GLDC: variants seen among roughly 807,000 people sequenced by gnomAD.
GLDC encodes the protein glycine decarboxylase.
Under a neutral mutation model 121.3 loss-of-function variants are expected in GLDC, and 104 were observed. The ratio of observed to expected loss-of-function variants is 0.86; its 90% CI spans 0.73 to 1.01. The LOEUF is 1.01. Among genes scored for constraint, GLDC ranks in the 50% least tolerant of loss-of-function variants. GLDC has a pLI of 0.00. For synonymous variants in GLDC, 546 were observed against 480.6 expected (o/e 1.14, Z -1.78); for missense variants, 1,429 against 1,306.6 (o/e 1.09, Z -1.44).
intron 8 of GLDC, among the ~76,000 whole-genome samples, chr9:6,595,829 T>A (rs1219599805): frequency 6.6e-6 from 1 of 152,204 alleles, no homozygotes; most frequent in African/African-American, 2.4e-5. Context: ...ACCCTGTCTC[T>A]GCAAAATACA....
chr9:6,628,013 A>C (rs942056951), intron 2 of GLDC, among the ~76,000 whole-genome samples: 1 of 152,182 alleles, frequency 6.6e-6, no homozygotes, highest in Non-Finnish European at 1.5e-5. Context: ...GAGAAGACAG[A>C]AAAGTCCATG....
chr9:6,534,335 C>T (rs1458292723), intron 24 of GLDC, among the ~76,000 whole-genome samples: 4 of 150,836 alleles, frequency 2.7e-5, no homozygotes, highest in Admixed American at 2.6e-4. Context: ...ACATTTTTAG[C>T]CTTCTCCCTA....
chr9:6,628,933 C>G (rs1244845695), intron 2 of GLDC, among the ~76,000 whole-genome samples: 1 of 152,086 alleles, frequency 6.6e-6, no homozygotes, highest in Non-Finnish European at 1.5e-5. Context: ...TATTCTGCCT[C>G]AGAGCATTGC....
At chr9:6,579,304 C>T (rs1818130651) in intron 15 of GLDC, among the ~76,000 whole-genome samples, 1 of 152,020 alleles carries the variant, frequency 6.6e-6, no homozygotes, top group South Asian at 2.1e-4. Context: ...TTTGGTTATA[C>T]AATTTTTTTT....
intron 3 of GLDC, among the ~76,000 whole-genome samples, chr9:6,618,437 A>G (rs1211042525): frequency 6.6e-6 from 1 of 152,016 alleles, no homozygotes; most frequent in African/African-American, 2.4e-5. Flanking sequence ...CCTCCCAACT[A>G]GCTGCGATTA....
At chr9:6,617,489 C>G (rs951190283) in intron 3 of GLDC, among the ~76,000 whole-genome samples, 1 of 152,120 alleles carries the variant, frequency 6.6e-6, no homozygotes, top group African/African-American at 2.4e-5. Flanking sequence ...GGAAGAGAAA[C>G]AGGCCATTTT....
intron 15 of GLDC, among the ~76,000 whole-genome samples, chr9:6,573,404 T>G (rs1170174819): frequency 1.3e-5 from 2 of 152,170 alleles, no homozygotes; most frequent in African/African-American, 4.8e-5. Flanking sequence ...GACGTTGCAG[T>G]GAGCTGAGAT....
At chr9:6,642,397 G>A (rs533910595) in intron 2 of GLDC, among the ~76,000 whole-genome samples, 1 of 152,206 alleles carries the variant, frequency 6.6e-6, no homozygotes, top group African/African-American at 2.4e-5. Context: ...CGGGCATGGT[G>A]GTGCACGTCT....
At position 6,599,720 on chromosome 9, in the gene GLDC, C is replaced by CAA. The variant is rs549444099; in HGVS notation, c.1155+2387_1155+2388dup. 2.2e-3 allele frequency among the ~76,000 whole-genome samples: 266 copies of CAA among 120,612 alleles called. 1 individual carries two copies. The highest frequency in any genetic ancestry group is 4.1e-3 in the Admixed American group (49 of 11,966). 79.1% of individuals were successfully genotyped at this position (120,612 alleles called of 152,430 possible). Reference sequence around the variant, plus strand: ...TGGGTGACAGAGCAAGACTCCATCTCAAAAAAAAAAAAAACAACCAAAAAA... The same window carrying CAA: ...TGGGTGACAGAGCAAGACTCCATCTCAAAAAAAAAAAAAAAACAACCAAAAAA... On this transcript the variant is annotated intron_variant, in intron 8 of 24. Coordinates refer to ENST00000321612, the MANE Select transcript of GLDC (RefSeq NM_000170.3).
chr9:6,550,693 T>G, intron 21 of GLDC, 110 bp downstream of exon 21: 1 of 771,746 alleles, frequency 1.3e-6, no homozygotes, highest in Non-Finnish European at 2.4e-6. Context: ...TTTTCTGATA[T>G]GTGCTAAGAA....
rs907586040 is a variant in GLDC at position 6,606,519 on chromosome 9, T to C, written c.713+73A>G. 1,082 of 957,570 alleles carry C rather than the reference T, an allele frequency of 1.1e-3. 9 individuals are homozygous for C. The highest frequency in any genetic ancestry group is 1.1e-3 in the Middle Eastern group (5 of 4,746). 59.3% of individuals were successfully genotyped at this position (957,570 alleles called of 1,614,324 possible). Reference sequence around the variant, plus strand: ...GATTCACCTCCAATCAGTTTGGAAGTGAGAAAGAGAAAGAAACAGCAGAGA... The same window carrying C: ...GATTCACCTCCAATCAGTTTGGAAGCGAGAAAGAGAAAGAAACAGCAGAGA... On this transcript the variant is annotated intron_variant, in intron 5 of 24. Coordinates refer to ENST00000321612, the MANE Select transcript of GLDC (RefSeq NM_000170.3).
chr9:6,571,594 T>G (rs1817969512), intron 15 of GLDC, among the ~76,000 whole-genome samples: 1 of 152,152 alleles, frequency 6.6e-6, no homozygotes, highest in Non-Finnish European at 1.5e-5. Flanking sequence ...ACTAAGTGAC[T>G]GATGGGTGGG....
intron 8 of GLDC, among the ~76,000 whole-genome samples, chr9:6,598,745 A>C (rs1379579185): frequency 6.6e-6 from 1 of 152,262 alleles, no homozygotes; most frequent in South Asian, 2.1e-4. Flanking sequence ...GATCATCAGA[A>C]TAAGAGGATG....
intron 16 of GLDC, among the ~76,000 whole-genome samples, chr9:6,562,322 G>A (rs1394294728): frequency 6.6e-6 from 1 of 152,078 alleles, no homozygotes; most frequent in Non-Finnish European, 1.5e-5. Context: ...TCAAAAAGCA[G>A]CTTGAAAGAA....
intron 15 of GLDC, among the ~76,000 whole-genome samples, chr9:6,581,527 T>G (rs1358580406): frequency 1.3e-5 from 2 of 152,214 alleles, no homozygotes; most frequent in Admixed American, 6.5e-5. Flanking sequence ...TTACCAGCAT[T>G]CAGGGCCAAC....
At chr9:6,538,751 G>C (rs143932017) in intron 22 of GLDC, among the ~76,000 whole-genome samples, 123 of 152,348 alleles carry the variant, frequency 8.1e-4, no homozygotes, top group South Asian at 3.7e-3. Context: ...GTTGCAGTTA[G>C]ATGTGTGAAG....
chr9:6,538,135 A>G (rs1817176243), intron 22 of GLDC, among the ~76,000 whole-genome samples: 1 of 151,890 alleles, frequency 6.6e-6, no homozygotes, highest in African/African-American at 2.4e-5. Flanking sequence ...TAAGAGAACA[A>G]GCTGATTACC....
At chr9:6,570,943 T>C (rs947422281) in intron 15 of GLDC, among the ~76,000 whole-genome samples, 35 of 151,832 alleles carry the variant, frequency 2.3e-4, no homozygotes, top group African/African-American at 8.2e-4. Context: ...ATGAAAAATA[T>C]TTATTTTATG....
At chr9:6,639,360 C>G in intron 2 of GLDC, 2 of 937,368 alleles carry the variant, frequency 2.1e-6, no homozygotes, top group Non-Finnish European at 1.7e-6. Flanking sequence ...AGCTTGACCA[C>G]TATGCTATCA....
Sources: gnomAD v4.1 joint callset for allele counts (sites outside exome capture counted in the v4.1 genomes callset) on GRCh38, gnomAD v4.1.1 for gene constraint, MANE v1.5 for transcripts, NCBI Gene and HGNC (gene_info 2026-07-23, HGNC 2026-07-21) for gene names.